PBX4: variants seen among roughly 807,000 people sequenced by gnomAD.
The protein encoded by PBX4 is pre-B-cell leukemia transcription factor 4.
A neutral mutation model predicts 35.1 loss-of-function variants in PBX4; 26 were observed. The ratio of observed to expected loss-of-function variants is 0.74; its 90% CI spans 0.54 to 1.03. The LOEUF is 1.03. Ranked by LOEUF, PBX4 falls within the 50% of genes least tolerant of loss-of-function variation. The pLI is 0.00. For synonymous variants in PBX4, 199 were observed against 204.2 expected (o/e 0.97, Z 0.22); for missense variants, 448 against 504.3 (o/e 0.89, Z 1.07).
chr19:19,569,712 C>T (rs1159490338), intron 4 of PBX4, 128 bp from the exon 5 acceptor site: 19 of 1,280,120 alleles, frequency 1.5e-5, no homozygotes, highest in South Asian at 3.1e-5. Context: ...GAGTTCGAGA[C>T]CAGCGTGGTC....
At chr19:19,599,390 G>A in intron 1 of PBX4, 25 bp from the exon 2 acceptor site, 1 of 1,593,848 alleles carries the variant, frequency 6.3e-7, no homozygotes, top group Non-Finnish European at 8.6e-7. Context: ...ACAGAGGAGG[G>A]TGTGAGAAAA....
Position 19,589,472 on chromosome 19 carries a change from A to G in PBX4, c.193+9820T>C, listed in dbSNP as rs1307342364. The stretch of plus-strand genomic sequence containing the variant: ...AATAACTAAAGACAAAGAAAAAGAA[A>G]GAAAAAAAAGTTCTGGTCAGGCACG... On this transcript the variant is annotated intron_variant, in intron 2 of 7. Coordinates refer to ENST00000251203, the MANE Select transcript of PBX4 (RefSeq NM_025245.3). Among the ~76,000 whole-genome samples, 2 of 151,760 alleles carry G rather than the reference A, an allele frequency of 1.3e-5. 1 individual carries two copies. The highest frequency in any genetic ancestry group is 4.8e-5 in the African/African-American group (2 of 41,326).
chr19:19,610,431 T>A (rs998131090), intron 1 of PBX4, among the ~76,000 whole-genome samples: 2 of 149,514 alleles, frequency 1.3e-5, no homozygotes, highest in African/African-American at 4.9e-5. Flanking sequence ...ATAAAAAATT[T>A]AAAAAACTTA....
chr19:19,592,309 G>C (rs1193594198), intron 2 of PBX4, among the ~76,000 whole-genome samples: 3 of 152,176 alleles, frequency 2.0e-5, no homozygotes, highest in African/African-American at 7.2e-5. Context: ...AACTAATCAG[G>C]GTTTATTTTG....
At chr19:19,578,337 G>C (rs2061433136) in intron 2 of PBX4, among the ~76,000 whole-genome samples, 1 of 152,146 alleles carries the variant, frequency 6.6e-6, no homozygotes, top group Non-Finnish European at 1.5e-5. Context: ...TGCCTCTTGG[G>C]TGGTGCCTAC....
At chr19:19,575,226 G>C (rs1307269132) in intron 2 of PBX4, among the ~76,000 whole-genome samples, 1 of 141,162 alleles carries the variant, frequency 7.1e-6, no homozygotes, top group African/African-American at 2.6e-5. Flanking sequence ...AACAGAGCGA[G>C]ACTCTGTCTC....
chr19:19,577,814 G>A (rs1013806130), intron 2 of PBX4, among the ~76,000 whole-genome samples: 64 of 150,416 alleles, frequency 4.3e-4, no homozygotes, highest in South Asian at 8.5e-4. Flanking sequence ...AGCTGAGATC[G>A]CGCCAGTGCA....
At chr19:19,599,170 T>C (rs2061580222) in intron 2 of PBX4, 122 bp downstream of exon 2, 5 of 752,894 alleles carry the variant, frequency 6.6e-6, no homozygotes, top group Non-Finnish European at 1.1e-5. Flanking sequence ...GGTTTCTCCA[T>C]GTTGGTCAGG....
At position 19,594,593 on chromosome 19, in the gene PBX4, G is replaced by GGTT. The variant is rs1389773305; in HGVS notation, c.193+4698_193+4699insAAC. Among the ~76,000 whole-genome samples, 16 of 152,256 alleles carry GGTT rather than the reference G, an allele frequency of 1.1e-4. No individual in the cohort carries two copies. In the East Asian group the frequency reaches 3.1e-3, roughly 29 times the overall value. Reference sequence around the variant, plus strand: ...CTCATGCAGTAACATCCACACAGGGGCAGATGGAATTATGAAGAGGCGTGC... The same window carrying GGTT: ...CTCATGCAGTAACATCCACACAGGGGGTTCAGATGGAATTATGAAGAGGCGTGC... On this transcript the variant is annotated intron_variant, in intron 2 of 7. Transcript: ENST00000251203.
In PBX4 at chr19:19,569,479, C is replaced by G; in HGVS notation, c.738G>C (p.Leu246=). 6.2e-7 allele frequency: 1 copy of G among 1,613,100 alleles called. No homozygotes were observed. The highest frequency in any genetic ancestry group is 8.5e-7 in the Non-Finnish European group (1 of 1,179,556). ...PYPSEEAKEE[L]ARKGGLTISQ... ...AGATGGTGAGGCCGCCCTTCCTGGC[C>G]AGCTCTTCTTTGGCTTCTTCGCTGG... The change falls in exon 5 of 8, where the codon CTG becomes CTC. Residue 246 remains leucine, a synonymous_variant. Coordinates refer to ENST00000251203, the MANE Select transcript of PBX4 (RefSeq NM_025245.3).
At chr19:19,606,063 T>C (rs1474721476) in intron 1 of PBX4, among the ~76,000 whole-genome samples, 1 of 152,102 alleles carries the variant, frequency 6.6e-6, no homozygotes, top group Admixed American at 6.6e-5. Context: ...AGTGAGACCT[T>C]CCCCAAGGGG....
chr19:19,578,070 A>G (rs2061431628), intron 2 of PBX4, among the ~76,000 whole-genome samples: 1 of 145,556 alleles, frequency 6.9e-6, no homozygotes, highest in Non-Finnish European at 1.5e-5. Flanking sequence ...CAAGCCTGTA[A>G]TCTCAGCTAC....
At chr19:19,580,184 G>A (rs545947776) in intron 2 of PBX4, among the ~76,000 whole-genome samples, 5 of 152,352 alleles carry the variant, frequency 3.3e-5, no homozygotes, top group African/African-American at 1.2e-4. Flanking sequence ...CCCACCCACC[G>A]TGTCTGGAAC....
intron 2 of PBX4, among the ~76,000 whole-genome samples, chr19:19,573,574 G>A (rs2061400687): frequency 6.6e-6 from 1 of 152,000 alleles, no homozygotes; most frequent in African/African-American, 2.4e-5. Context: ...AATGTCCATG[G>A]CACAAATTAG....
rs1047709336 is a variant in PBX4 at position 19,563,300 on chromosome 19, G to A, written c.1032+209C>T. Among the ~76,000 whole-genome samples the A allele has an allele frequency of 1.3e-5, 2 of 152,174 alleles. No homozygotes were observed. The highest frequency in any genetic ancestry group is 2.4e-5 in the African/African-American group (1 of 41,432). On this transcript the variant is annotated intron_variant, in intron 7 of 7. Transcript: ENST00000251203. The surrounding 1 kb of genome is among the most constrained non-coding windows in gnomAD (Gnocchi z 5.1). The stretch of plus-strand genomic sequence containing the variant: ...CCACTGACTGTTCCCAGCGGCTGCC[G>A]TGGTGACAAGTGGAGGTGGGGGAGG...
intron 2 of PBX4, among the ~76,000 whole-genome samples, chr19:19,574,354 T>A (rs1053503723): frequency 6.6e-6 from 1 of 152,190 alleles, no homozygotes; most frequent in Non-Finnish European, 1.5e-5. Context: ...TGCCTCCACA[T>A]ACTTATTTAA....
In PBX4 at chr19:19,574,784, G is replaced by A. The variant is rs1411827593; in HGVS notation, c.194-3951C>T. ...CGAGTAGCTGGGATTACAAGCATGC[G>A]CCACCACGCCTGGCTAATTTTTGTT... is the stretch of plus-strand genomic sequence containing the variant. On this transcript the variant is annotated intron_variant, in intron 2 of 7. Coordinates refer to ENST00000251203, the MANE Select transcript of PBX4 (RefSeq NM_025245.3). Among the ~76,000 whole-genome samples, 11 of 152,004 alleles carry A rather than the reference G, an allele frequency of 7.2e-5. No homozygotes were observed. The South Asian group carries it at 2.1e-3, about 29-fold the overall frequency.
chr19:19,570,787 C>T lies in PBX4; in HGVS notation c.240G>A (p.Gln80=), dbSNP rs778918344. 6 of 1,614,118 alleles carry T rather than the reference C, an allele frequency of 3.7e-6. No homozygotes were observed. The South Asian group carries it at 6.6e-5, about 18-fold the overall frequency. ...GIQDEDPPDA[Q]LLRLDNMLLA... is the part of the protein sequence containing the mutation. Reference sequence around the variant, plus strand: ...GCAGCATGTTATCCAGCCTCAGGAGCTGGGCGTCAGGGGGATCTTCGTCTT... The same window carrying T: ...GCAGCATGTTATCCAGCCTCAGGAGTTGGGCGTCAGGGGGATCTTCGTCTT... Residue 80 remains glutamine (Q), a synonymous_variant, in exon 3 of 8, where the codon CAG becomes CAA. Transcript: ENST00000251203.
intron 1 of PBX4, among the ~76,000 whole-genome samples, chr19:19,609,776 G>A (rs1315954427): frequency 6.6e-6 from 1 of 151,990 alleles, no homozygotes; most frequent in Non-Finnish European, 1.5e-5. Flanking sequence ...GCGTGAACCC[G>A]GGGGGCGGAG....
Sources: gnomAD v4.1 joint callset for allele counts (sites outside exome capture counted in the v4.1 genomes callset) on GRCh38, gnomAD v4.1.1 for gene constraint, Gnocchi (gnomAD v3.1) non-coding constraint, MANE v1.5 for transcripts, NCBI Gene and HGNC (gene_info 2026-07-23, HGNC 2026-07-21) for gene names.